DLC1: variants seen among roughly 807,000 people sequenced by gnomAD.
The protein encoded by DLC1 is DLC1 Rho GTPase activating protein.
A neutral mutation model predicts 140.3 loss-of-function variants in DLC1; 54 were observed. The observed-to-expected ratio is 0.38, with a 90% CI of 0.31 to 0.48. The LOEUF (loss-of-function observed/expected upper bound fraction) is 0.48. DLC1 is among the 20% of genes least tolerant of loss of function. DLC1 has a pLI of 0.96. For missense variants in DLC1, 2,536 were observed against 1,907.0 expected (o/e 1.33, Z -6.14); for synonymous variants, 986 against 728.1 (o/e 1.35, Z -5.70).
At chr8:13,462,505 G>A (rs930403527) in intron 2 of DLC1, among the ~76,000 whole-genome samples, 2 of 150,284 alleles carry the variant, frequency 1.3e-5, no homozygotes, top group Non-Finnish European at 1.5e-5. Context: ...CCAGGTTCAC[G>A]CCATTCTCCT....
intron 2 of DLC1, among the ~76,000 whole-genome samples, chr8:13,423,540 T>C (rs1318087317): frequency 6.6e-6 from 1 of 152,118 alleles, no homozygotes; most frequent in Non-Finnish European, 1.5e-5. Context: ...TAATACTAAT[T>C]ATAATTATAA....
At chr8:13,119,304 T>C (rs1186534034) in intron 5 of DLC1, among the ~76,000 whole-genome samples, 1 of 151,886 alleles carries the variant, frequency 6.6e-6, no homozygotes, top group Non-Finnish European at 1.5e-5. Context: ...TCCAACCTAA[T>C]TGTTCAGCTC....
upstream of DLC1, among the ~76,000 whole-genome samples, chr8:13,519,274 C>G (rs555759061): frequency 6.6e-6 from 1 of 152,128 alleles, no homozygotes; most frequent in African/African-American, 2.4e-5. Context: ...ACTACTGGCA[C>G]CCGCCACCAT....
chr8:13,586,173 G>A (rs1258821251), intron 1 of DLC1, among the ~76,000 whole-genome samples: 1 of 152,124 alleles, frequency 6.6e-6, no homozygotes, highest in East Asian at 1.9e-4. Context: ...CTTCTCAAGT[G>A]ATTCTAATAT....
rs528333057 is a variant in DLC1, at chr8:13,448,273, G to T, written c.1024-46654C>A. 5.9e-5 allele frequency among the ~76,000 whole-genome samples: 9 copies of T among 152,206 alleles called. No individual in the cohort carries two copies. In the East Asian group the frequency reaches 1.4e-3, roughly 23 times the overall value. On this transcript the variant is annotated intron_variant, in intron 2 of 17. Transcript: ENST00000276297. Reference sequence around the variant, plus strand: ...TGAATCATGAAACCCTGGAATAGAAGTATATATTCGAGCAATAGTCATGGG... The same window carrying T: ...TGAATCATGAAACCCTGGAATAGAATTATATATTCGAGCAATAGTCATGGG...
chr8:13,532,740 C>T (rs1174752295), intron 1 of DLC1, among the ~76,000 whole-genome samples: 1 of 152,164 alleles, frequency 6.6e-6, no homozygotes, highest in African/African-American at 2.4e-5. Flanking sequence ...CAGGTGTGAG[C>T]CACCAGGCTA....
chr8:13,550,812 G>T (rs1217795965), intron 1 of DLC1, among the ~76,000 whole-genome samples: 1 of 152,044 alleles, frequency 6.6e-6, no homozygotes, highest in Non-Finnish European at 1.5e-5. Flanking sequence ...AAGAGTCTCA[G>T]AAAACTCTGG....
chr8:13,201,297 C>G (rs372315925), intron 5 of DLC1, among the ~76,000 whole-genome samples: 243 of 152,170 alleles, frequency 1.6e-3, no homozygotes, highest in African/African-American at 5.6e-3. Flanking sequence ...TTGTGTCAAA[C>G]TGCTATTTTA....
chr8:13,202,437 G>A (rs1010324061), intron 5 of DLC1, among the ~76,000 whole-genome samples: 3 of 152,062 alleles, frequency 2.0e-5, no homozygotes, highest in Non-Finnish European at 4.4e-5. Flanking sequence ...GTTATATCAA[G>A]TTTGTATTCC....
Position 13,393,485 on chromosome 8 carries a change from T to A in DLC1, c.1314+68A>T, listed in dbSNP as rs1352338656. On this transcript the variant is annotated intron_variant, in intron 4 of 17. Coordinates refer to ENST00000276297, the MANE Select transcript of DLC1 (RefSeq NM_182643.3). ...CAGTATTTCTTCTATATCGAATGAA[T>A]ATCAACTCTTACCTGATGATCATCA... 4 of 1,484,860 alleles carry A rather than the reference T, an allele frequency of 2.7e-6. No homozygotes were observed. The East Asian group carries it at 9.1e-5, about 34-fold the overall frequency. The allele number at this position is 1,484,860 out of a possible 1,614,324, so 92.0% of individuals were successfully genotyped here.
intron 1 of DLC1, among the ~76,000 whole-genome samples, chr8:13,507,618 A>G (rs540337800): frequency 3.9e-5 from 6 of 152,288 alleles, no homozygotes; most frequent in African/African-American, 1.2e-4. Flanking sequence ...CTACTTTTAC[A>G]TACTTTGTTT....
chr8:13,171,330 A>T (rs1264470089), intron 5 of DLC1, among the ~76,000 whole-genome samples: 1 of 152,148 alleles, frequency 6.6e-6, no homozygotes, highest in Non-Finnish European at 1.5e-5. Flanking sequence ...ATTCTAATAG[A>T]CACAGAGTCA....
rs1461354603 is a variant in DLC1, at chr8:13,479,072, AC to A, written c.1023+19976del. 5.9e-5 allele frequency among the ~76,000 whole-genome samples: 9 copies of A among 151,902 alleles called. No homozygotes were observed. In the East Asian group the frequency reaches 1.7e-3, roughly 29 times the overall value. ...TTCTTTTCTCTTATTAGTTCATTCC[AC>A]CCCTTAGTTGGTTTACTGTTTTATT... On this transcript the variant is annotated intron_variant, in intron 2 of 17. Coordinates refer to ENST00000276297, the MANE Select transcript of DLC1 (RefSeq NM_182643.3).
intron 5 of DLC1, among the ~76,000 whole-genome samples, chr8:13,161,914 A>G (rs567584893): frequency 2.0e-3 from 310 of 152,362 alleles, no homozygotes; most frequent in African/African-American, 6.4e-3. Context: ...TCAGATATGT[A>G]CACATTTTAT....
At chr8:13,553,816 A>T (rs564490739) in intron 1 of DLC1, among the ~76,000 whole-genome samples, 3 of 152,168 alleles carry the variant, frequency 2.0e-5, no homozygotes, top group African/African-American at 7.2e-5. Flanking sequence ...AGTCCTCCGC[A>T]TTAAAAATTC....
At chr8:13,133,635 G>T (rs1217783413) in intron 5 of DLC1, among the ~76,000 whole-genome samples, 1 of 150,508 alleles carries the variant, frequency 6.6e-6, no homozygotes. Context: ...CCGAAAAGTC[G>T]CCAACTATTG....
intron 2 of DLC1, among the ~76,000 whole-genome samples, chr8:13,430,649 G>A (rs928661256): frequency 6.6e-6 from 1 of 152,116 alleles, no homozygotes; most frequent in Non-Finnish European, 1.5e-5. Flanking sequence ...AAAAAGATTG[G>A]AACATTTACC....
rs1554486052 is a variant in DLC1, at chr8:13,268,889, T to TTTG, written c.1348+36379_1348+36380insCAA. Among the ~76,000 whole-genome samples the TTTG allele has an allele frequency of 8.1e-3, 1,197 of 148,594 alleles. 25 individuals are homozygous for TTTG. Among genetic ancestry groups the TTTG allele is most frequent in the African/African-American group, 0.029 (1,154 of 39,880 alleles). ...CTTCCTTCCTTTTTTTTTTTTTTTT[T>TTTG]TTTGAGATGGAGTCTCACTCTGTGG... is the stretch of plus-strand genomic sequence containing the variant. On this transcript the variant is annotated intron_variant, in intron 5 of 17. Coordinates refer to ENST00000276297, the MANE Select transcript of DLC1 (RefSeq NM_182643.3).
In DLC1 at chr8:13,398,605, CAAAAAA is replaced by C. The variant is rs55898759; in HGVS notation, c.1173+2859_1173+2864del. ...CAACATAGAGAAACCCCATCTCTAC[CAAAAAA>C]AAAAAAAAAAAAAATTAGCCAGCCA... On this transcript the variant is annotated intron_variant, in intron 3 of 17. Transcript: ENST00000276297. 2.4e-3 allele frequency among the ~76,000 whole-genome samples: 275 copies of C among 113,098 alleles called. 2 individuals are homozygous for C. The highest frequency in any genetic ancestry group is 8.7e-3 in the African/African-American group (263 of 30,110). 74.2% of individuals were successfully genotyped at this position (113,098 alleles called of 152,430 possible).
Sources: gnomAD v4.1 joint callset for allele counts (sites outside exome capture counted in the v4.1 genomes callset) on GRCh38, gnomAD v4.1.1 for gene constraint, MANE v1.5 for transcripts, NCBI Gene and HGNC (gene_info 2026-07-23, HGNC 2026-07-21) for gene names.